The following CEP128 variants were observed in gnomAD, a reference collection of about 807,000 sequenced individuals.
The protein encoded by CEP128 is centrosomal protein 128, also known as centrosomal protein 128kDa.
In CEP128, 132 loss-of-function variants were observed where a neutral mutation model predicts 156.7. The observed-to-expected ratio is 0.84, with a 90% CI of 0.73 to 0.97. The LOEUF is 0.97. CEP128 is among the 50% of genes least tolerant of loss of function. The pLI is 0.00. For missense variants in CEP128, 1,252 were observed against 1,281.9 expected (o/e 0.98, Z 0.36); for synonymous variants, 469 against 448.9 (o/e 1.04, Z -0.57).
intron 8 of CEP128, among the ~76,000 whole-genome samples, chr14:80,864,191 A>G (rs1887657095): frequency 6.6e-6 from 1 of 152,240 alleles, no homozygotes; most frequent in African/African-American, 2.4e-5. Context: ...TAATACATAT[A>G]CAAAATATGT....
chr14:80,632,803 T>A (rs986372151), intron 19 of CEP128, among the ~76,000 whole-genome samples: 2 of 152,144 alleles, frequency 1.3e-5, no homozygotes, highest in African/African-American at 4.8e-5. Flanking sequence ...CTGAGTCAAG[T>A]GGCAAGTGCA....
At position 80,799,723 on chromosome 14, in the gene CEP128, G is replaced by A. The variant is rs556500050; in HGVS notation, c.1210-6613C>T. ...TGAGATGAGGAATGAGATATGCCCTGGTCTCCTGCAGTACCCTCAGGCTTA... is the reference window on the plus strand; with the variant it reads ...TGAGATGAGGAATGAGATATGCCCTAGTCTCCTGCAGTACCCTCAGGCTTA... On this transcript the variant is annotated intron_variant, in intron 13 of 24. Transcript: ENST00000555265. 2.6e-5 allele frequency among the ~76,000 whole-genome samples: 4 copies of A among 152,208 alleles called. No homozygotes were observed. In the South Asian group the frequency reaches 6.2e-4, roughly 24 times the overall value.
chr14:80,484,605 T>C (rs1179823585), intron 14 of CEP128, among the ~76,000 whole-genome samples: 1 of 152,236 alleles, frequency 6.6e-6, no homozygotes, highest in Non-Finnish European at 1.5e-5. Context: ...TGATTGCCAC[T>C]TTGATAGGCA....
At chr14:80,912,774 T>A (rs77858530) in intron 4 of CEP128, among the ~76,000 whole-genome samples, 4 of 46,370 alleles carry the variant, frequency 8.6e-5, no homozygotes, top group Non-Finnish European at 1.1e-4. Context: ...TAAAAAAAAA[T>A]AATAATAATA....
chr14:80,926,163 A>C (rs911231700), intron 2 of CEP128, among the ~76,000 whole-genome samples: 1 of 152,122 alleles, frequency 6.6e-6, no homozygotes, highest in African/African-American at 2.4e-5. Flanking sequence ...AAAGTGTGCT[A>C]TAGCCACAGG....
chr14:80,631,273 T>C (rs1893948127), intron 19 of CEP128, among the ~76,000 whole-genome samples: 1 of 151,986 alleles, frequency 6.6e-6, no homozygotes, highest in South Asian at 2.1e-4. Flanking sequence ...AAACATGATA[T>C]AAAAATTACA....
intron 8 of CEP128, among the ~76,000 whole-genome samples, chr14:80,868,626 G>A (rs921824205): frequency 9.2e-5 from 14 of 152,018 alleles, no homozygotes; most frequent in East Asian, 1.9e-4. Flanking sequence ...TTAAGAAAAC[G>A]GCAGTAGCAA....
intron 19 of CEP128, among the ~76,000 whole-genome samples, chr14:80,709,019 T>C (rs1897312717): frequency 1.3e-5 from 2 of 151,912 alleles, no homozygotes; most frequent in African/African-American, 2.4e-5. Flanking sequence ...TCAATTTTTT[T>C]AAAATTGTAA....
chr14:80,954,387 T>G (rs1280242891), intron 2 of CEP128, among the ~76,000 whole-genome samples: 1 of 152,238 alleles, frequency 6.6e-6, no homozygotes, highest in Non-Finnish European at 1.5e-5. Context: ...CATTATCTAG[T>G]CGCGAGACAC....
intron 16 of CEP128, among the ~76,000 whole-genome samples, chr14:80,774,088 T>C (rs2139750280): frequency 6.6e-6 from 1 of 152,312 alleles, no homozygotes; most frequent in African/African-American, 2.4e-5. Flanking sequence ...CACCACTGAA[T>C]ACATGAGGAA....
At chr14:80,817,868 G>GAA (rs78580172) in intron 13 of CEP128, among the ~76,000 whole-genome samples, 1 of 118,430 alleles carries the variant, frequency 8.4e-6, no homozygotes. Flanking sequence ...TGACAGAGAA[G>GAA]AAAAAAAAAA....
intron 19 of CEP128, among the ~76,000 whole-genome samples, chr14:80,714,089 A>C (rs1469127523): frequency 6.6e-6 from 1 of 152,224 alleles, no homozygotes; most frequent in Non-Finnish European, 1.5e-5. Flanking sequence ...TACTTGGAAG[A>C]ATATACTGAA....
At chr14:80,849,064 A>G (rs1296059511) in intron 9 of CEP128, among the ~76,000 whole-genome samples, 1 of 152,196 alleles carries the variant, frequency 6.6e-6, no homozygotes, top group Non-Finnish European at 1.5e-5. Context: ...AGTGGTAGGA[A>G]ATGAACAGTT....
intron 16 of CEP128, among the ~76,000 whole-genome samples, chr14:80,775,077 A>G (rs148891732): frequency 1.6e-4 from 24 of 152,310 alleles, no homozygotes; most frequent in African/African-American, 5.5e-4. Flanking sequence ...ACATAACAAT[A>G]ACAAAATAAT....
chr14:80,729,058 G>GGGTGTGTGTGTGTGTGTGTGT (rs1898141728), intron 19 of CEP128, among the ~76,000 whole-genome samples: 3 of 105,024 alleles, frequency 2.9e-5, no homozygotes, highest in Non-Finnish European at 5.3e-5. Flanking sequence ...GGCTGGTGGG[G>GGGTGTGTGTGTGTGTGTGTGT]GTGTGTGTGT....
rs368566738 is a variant in CEP128 at position 80,592,308 on chromosome 14, T to C, written c.2807-11885A>G. Among the ~76,000 whole-genome samples the C allele has an allele frequency of 1.3e-3, 195 of 152,260 alleles. 4 individuals are homozygous for C. The Middle Eastern group carries it at 0.027, about 21-fold the overall frequency. On this transcript the variant is annotated intron_variant, in intron 19 of 24. Transcript: ENST00000555265. ...AGAATCAAATAGACACAATAAAAAA[T>C]GGTGAAGGGGATATCACCACTGATC...
chr14:80,706,915 C>A (rs1219733189), intron 19 of CEP128, among the ~76,000 whole-genome samples: 2 of 152,106 alleles, frequency 1.3e-5, no homozygotes, highest in African/African-American at 4.8e-5. Context: ...TACTACTCAA[C>A]CCATCCGTGA....
intron 19 of CEP128, among the ~76,000 whole-genome samples, chr14:80,583,787 A>C (rs1477930226): frequency 6.6e-6 from 1 of 152,156 alleles, no homozygotes; most frequent in Non-Finnish European, 1.5e-5. Flanking sequence ...CTTTTGTTGG[A>C]TTACTGCCAT....
At chr14:80,837,554 A>T (rs905560210) in intron 11 of CEP128, among the ~76,000 whole-genome samples, 1 of 148,044 alleles carries the variant, frequency 6.8e-6, no homozygotes, top group Non-Finnish European at 1.5e-5. Context: ...CATCTTTCCT[A>T]AAAAAACAAA....
Sources: gnomAD v4.1 joint callset for allele counts (sites outside exome capture counted in the v4.1 genomes callset) on GRCh38, gnomAD v4.1.1 for gene constraint, MANE v1.5 for transcripts, NCBI Gene and HGNC (gene_info 2026-07-23, HGNC 2026-07-21) for gene names.